The following TEX11 variants were observed in gnomAD, a reference collection of about 807,000 sequenced individuals.
The protein encoded by TEX11 is testis expressed 11.
A neutral mutation model predicts 84.4 loss-of-function variants in TEX11; 7 were observed. The ratio of observed to expected loss-of-function variants is 0.08; its 90% CI spans 0.05 to 0.16. The LOEUF is 0.16. Among genes scored for constraint, TEX11 ranks in the 10% least tolerant of loss-of-function variants. The pLI, the probability that TEX11 is intolerant of heterozygous loss-of-function variation, is 1.00. For missense variants in TEX11, 551 were observed against 660.5 expected, an observed-to-expected ratio of 0.83 and a Z score of 1.82; for synonymous variants, 264 against 222.8, an observed-to-expected ratio of 1.18 and a Z score of -1.64.
intron 13 of TEX11, among the ~76,000 whole-genome samples, chrX:70,697,889 A>C (rs2147678121): frequency 8.9e-6 from 1 of 112,279 alleles, no homozygotes; most frequent in Non-Finnish European, 1.9e-5. Context: ...AGGAACAAGA[A>C]CTTGAAAACA....
intron 17 of TEX11, among the ~76,000 whole-genome samples, chrX:70,633,323 C>T (rs1363209129): frequency 9.0e-6 from 1 of 111,631 alleles, no homozygotes; most frequent in Non-Finnish European, 1.9e-5. Flanking sequence ...TCAACAGATG[C>T]AGAAAACCAT....
At chrX:70,706,883 T>C (rs1336515951) in intron 13 of TEX11, among the ~76,000 whole-genome samples, 2 of 111,505 alleles carry the variant, frequency 1.8e-5, no homozygotes, top group Non-Finnish European at 3.8e-5. Flanking sequence ...TATTAGCATG[T>C]CACTATCCTA....
chrX:70,889,991 G>A (rs754572728), intron 2 of TEX11, among the ~76,000 whole-genome samples: 14 of 110,950 alleles, frequency 1.3e-4, no homozygotes, highest in Admixed American at 4.8e-4. Context: ...GACATAGAGT[G>A]GCTAAATTGA....
At chrX:70,818,845 G>T (rs2091303857) in intron 8 of TEX11, among the ~76,000 whole-genome samples, 1 of 111,328 alleles carries the variant, frequency 9.0e-6, no homozygotes, top group Admixed American at 9.6e-5. Context: ...TCTGCAAGAG[G>T]TGATTACTTC....
intron 2 of TEX11, among the ~76,000 whole-genome samples, chrX:70,892,891 C>T (rs1370017920): frequency 9.1e-6 from 1 of 110,272 alleles, no homozygotes; most frequent in Non-Finnish European, 1.9e-5. Context: ...AAAAAAAAAG[C>T]AGGGGTTGCA....
intron 10 of TEX11, 41 bp downstream of exon 10, chrX:70,744,124 G>T: frequency 1.1e-6 from 1 of 875,069 alleles, no homozygotes; most frequent in African/African-American, 2.1e-5. Context: ...AATAAAGCAG[G>T]TTATTCAACC....
chrX:70,729,816 A>T (rs2090630574), intron 11 of TEX11, among the ~76,000 whole-genome samples: 1 of 110,761 alleles, frequency 9.0e-6, no homozygotes, highest in African/African-American at 3.3e-5. Context: ...GAACGCCACA[A>T]AGATATGCCT....
chrX:70,656,113 G>GTATATATATATA (rs774232604), intron 16 of TEX11, among the ~76,000 whole-genome samples: 2 of 101,383 alleles, frequency 2.0e-5, no homozygotes, highest in Admixed American at 2.2e-4. Context: ...AGGTAGCTGT[G>GTATATATATATA]TATATATATA....
At chrX:70,562,478 T>C (rs1262082613) in intron 25 of TEX11, among the ~76,000 whole-genome samples, 1 of 112,419 alleles carries the variant, frequency 8.9e-6, no homozygotes, top group African/African-American at 3.2e-5. Context: ...CCAACTAGAA[T>C]ACAGTATTGT....
chrX:70,573,671 T>C (rs1020411631), intron 25 of TEX11, among the ~76,000 whole-genome samples: 5 of 111,785 alleles, frequency 4.5e-5, no homozygotes, highest in African/African-American at 1.6e-4. Flanking sequence ...GGAATAAGCA[T>C]TCAATCCTAG....
In TEX11 at chrX:70,697,911, G is replaced by T. The variant is rs2090293839; in HGVS notation, c.1005-15086C>A. ...AGAACTTGAAAACATGTAATCTGAC[G>T]CCAAAGTCCACATTTTAAAATTATT... On this transcript the variant is annotated intron_variant, in intron 13 of 29. Transcript: ENST00000374333. 3.6e-5 allele frequency among the ~76,000 whole-genome samples: 4 copies of T among 111,873 alleles called. No homozygotes were observed. The Admixed American group carries it at 3.8e-4, about 11-fold the overall frequency.
chrX:70,610,376 A>C (rs1407393379), intron 21 of TEX11, 127 bp downstream of exon 21: 2 of 586,544 alleles, frequency 3.4e-6, no homozygotes, highest in South Asian at 4.3e-5. Context: ...CCTGTGGCAA[A>C]GATTAATAAG....
chrX:70,741,186 C>A (rs2090731363), intron 10 of TEX11, among the ~76,000 whole-genome samples: 1 of 111,362 alleles, frequency 9.0e-6, no homozygotes, highest in Admixed American at 9.7e-5. Flanking sequence ...TTTATAAGCT[C>A]CCCCAAATGA....
chrX:70,782,975 T>G (rs966299796), intron 9 of TEX11, among the ~76,000 whole-genome samples: 2 of 111,024 alleles, frequency 1.8e-5, no homozygotes, highest in African/African-American at 3.3e-5. Context: ...TCTGGACCAA[T>G]TGGACCTAAT....
intron 17 of TEX11, among the ~76,000 whole-genome samples, chrX:70,648,098 T>G (rs2089767153): frequency 9.0e-6 from 1 of 111,291 alleles, no homozygotes; most frequent in Non-Finnish European, 1.9e-5. Flanking sequence ...AAATGATGAA[T>G]TCATGTCCTT....
chrX:70,899,685 G>A (rs1024556311), intron 2 of TEX11, among the ~76,000 whole-genome samples: 7 of 107,147 alleles, frequency 6.5e-5, no homozygotes, highest in African/African-American at 2.4e-4. Context: ...GGAGGCCGAG[G>A]CAAGCAGATC....
At chrX:70,656,923 G>A (rs2089872719) in intron 16 of TEX11, among the ~76,000 whole-genome samples, 1 of 111,772 alleles carries the variant, frequency 8.9e-6, no homozygotes, top group Non-Finnish European at 1.9e-5. Flanking sequence ...TCCCCTCTGA[G>A]AGGCTCCACA....
intron 16 of TEX11, among the ~76,000 whole-genome samples, chrX:70,659,200 A>C (rs898962749): frequency 8.9e-6 from 1 of 112,440 alleles, no homozygotes; most frequent in Non-Finnish European, 1.9e-5. Context: ...AAGAAAAATC[A>C]GATAAATGGG....
chrX:70,569,118 C>T (rs1188239700), intron 25 of TEX11, among the ~76,000 whole-genome samples: 29 of 111,263 alleles, frequency 2.6e-4, no homozygotes, highest in Non-Finnish European at 4.7e-4. Flanking sequence ...TTTATTCTTT[C>T]TTCTCTAAAC....
Sources: allele counts gnomAD v4.1 joint callset (sites outside exome capture counted in the v4.1 genomes callset), GRCh38; gene constraint gnomAD v4.1.1; transcripts MANE v1.5; gene names NCBI Gene and HGNC (gene_info 2026-07-23, HGNC 2026-07-21).